Variants in MTA1 observed in about 807,000 individuals in gnomAD.
MTA1 encodes metastasis-associated protein MTA1.
MTA1 carries 15 observed loss-of-function variants against 97.0 expected under a neutral mutation model. That is an observed-to-expected ratio of 0.15 (90% confidence interval 0.10 to 0.24). The LOEUF is 0.24. MTA1 is among the 10% of genes least tolerant of loss of function. The pLI is 1.00. For missense variants in MTA1, 709 were observed against 1,015.1 expected (o/e 0.70, Z 4.10); for synonymous variants, 435 against 417.5 (o/e 1.04, Z -0.51).
rs1555431486 is a variant in MTA1 at position 105,463,283 on chromosome 14, C to G, written c.1017+25C>G. 1.9e-6 allele frequency: 3 copies of G among 1,609,922 alleles called. No homozygotes were observed. Among genetic ancestry groups the G allele is most frequent in the Non-Finnish European group, 1.7e-6 (2 of 1,178,982 alleles). On this transcript the variant is annotated intron_variant, in intron 11 of 20. Transcript: ENST00000331320. This position sits in a 1 kb window ranked among gnomAD's most constrained non-coding sequence, Gnocchi z 5.9. Reference sequence around the variant, plus strand: ...GGTGAGCCCGCCCGCCACTCAGTGCCCGGGGTGTGCCGCCTCCCCGTCCTG... The same window carrying G: ...GGTGAGCCCGCCCGCCACTCAGTGCGCGGGGTGTGCCGCCTCCCCGTCCTG...
At position 105,454,372 on chromosome 14, in the gene MTA1, C is replaced by A. The variant is rs2083062142; in HGVS notation, c.550+62C>A. 3 of 1,217,066 alleles carry A rather than the reference C, an allele frequency of 2.5e-6. No individual in the cohort carries two copies. The South Asian group carries it at 3.6e-5, about 15-fold the overall frequency. The allele number at this position is 1,217,066 out of a possible 1,614,324, so 75.4% of individuals were successfully genotyped here. On this transcript the variant is annotated intron_variant, in intron 7 of 20. Coordinates refer to ENST00000331320, the MANE Select transcript of MTA1 (RefSeq NM_004689.4). ...CTGTCCTGTCCTGCCGGGTGACACA[C>A]TGGGTGAGAGGAGGCTGGGACATGG...
rs587635485 is a variant in MTA1 at position 105,419,883 on chromosome 14, TCGG to T, written c.-127_-125del. ...CCGTCCCTGCGCGGCCTCGGCGGCC[TCGG>T]CGGCGGCGGCGGCGGCGGCGGCGGC... On this transcript the variant is annotated 5_prime_UTR_variant, in exon 1 of 21. Coordinates refer to ENST00000331320, the MANE Select transcript of MTA1 (RefSeq NM_004689.4). 431 of 181,572 alleles carry T rather than the reference TCGG, an allele frequency of 2.4e-3. 1 individual carries two copies. Among genetic ancestry groups the T allele is most frequent in the Non-Finnish European group, 3.0e-3 (313 of 102,936 alleles). The allele number at this position is 181,572 out of a possible 1,614,324, so 11.2% of individuals were successfully genotyped here.
chr14:105,466,749 C>A lies in MTA1; in HGVS notation c.1813+7C>A. 6.3e-7 allele frequency: 1 copy of A among 1,578,660 alleles called. No homozygotes were observed. Among genetic ancestry groups the A allele is most frequent in the Non-Finnish European group, 8.6e-7 (1 of 1,163,808 alleles). The stretch of plus-strand genomic sequence containing the variant: ...CTCTTGATGCCCAGTAGGGGTAAGG[C>A]CTGGAGCCGCGGGCGGGCGCTGCGC... On this transcript the variant is annotated splice_region_variant and intron_variant, in intron 18 of 20. Transcript: ENST00000331320.
chr14:105,459,026 C>T (rs1384989184), intron 8 of MTA1, among the ~76,000 whole-genome samples: 5 of 150,184 alleles, frequency 3.3e-5, no homozygotes, highest in African/African-American at 1.2e-4. Context: ...CCGCGCTGCC[C>T]GTGGCCCCTG....
At chr14:105,434,781 G>A (rs782153340) in intron 1 of MTA1, among the ~76,000 whole-genome samples, 3 of 152,138 alleles carry the variant, frequency 2.0e-5, no homozygotes, top group South Asian at 2.1e-4. Context: ...GATTACAGGC[G>A]TGAGCCACCA....
rs1555420665 is a variant in MTA1, at chr14:105,420,670, C to T, written c.28+607C>T. Among the ~76,000 whole-genome samples, 1 of 152,230 alleles carries T rather than the reference C, an allele frequency of 6.6e-6. No homozygotes were observed. The highest frequency in any genetic ancestry group is 6.5e-5 in the Admixed American group (1 of 15,286). ...AAACTTTTCCCTGCCTCTCGCTCACCTCAGCCCATTCGGGAGGCGCTTTGC... is the reference window on the plus strand; with the variant it reads ...AAACTTTTCCCTGCCTCTCGCTCACTTCAGCCCATTCGGGAGGCGCTTTGC... On this transcript the variant is annotated intron_variant, in intron 1 of 20. Coordinates refer to ENST00000331320, the MANE Select transcript of MTA1 (RefSeq NM_004689.4). The surrounding 1 kb of genome is among the most constrained non-coding windows in gnomAD (Gnocchi z 5.3).
chr14:105,463,939 C>T lies in MTA1; in HGVS notation c.1077-93C>T. 1 of 1,206,950 alleles carries T rather than the reference C, an allele frequency of 8.3e-7. No individual in the cohort carries two copies. Among genetic ancestry groups the T allele is most frequent in the Non-Finnish European group, 1.2e-6 (1 of 815,276 alleles). The allele number at this position is 1,206,950 out of a possible 1,614,324, so 74.8% of individuals were successfully genotyped here. On this transcript the variant is annotated intron_variant, in intron 12 of 20. Coordinates refer to ENST00000331320, the MANE Select transcript of MTA1 (RefSeq NM_004689.4). This position sits in a 1 kb window ranked among gnomAD's most constrained non-coding sequence, Gnocchi z 5.9. ...AGGGGTGCGAGGACGTGGTTCTGGACAAGGGGTGGTCAGCCGCGGTGCCTG... is the reference window on the plus strand; with the variant it reads ...AGGGGTGCGAGGACGTGGTTCTGGATAAGGGGTGGTCAGCCGCGGTGCCTG...
At chr14:105,428,166 C>T (rs1555422642) in intron 1 of MTA1, among the ~76,000 whole-genome samples, 1 of 152,142 alleles carries the variant, frequency 6.6e-6, no homozygotes, top group Admixed American at 6.6e-5. Context: ...TTGTGACCTT[C>T]TGTAGTCAGC....
At chr14:105,442,408 G>A (rs1367584946) in intron 2 of MTA1, among the ~76,000 whole-genome samples, 1 of 152,260 alleles carries the variant, frequency 6.6e-6, no homozygotes, top group African/African-American at 2.4e-5. Context: ...GCAGCAAGCA[G>A]GGTGGACCCC....
chr14:105,453,831 T>A (rs980512766), intron 6 of MTA1, among the ~76,000 whole-genome samples: 1 of 151,882 alleles, frequency 6.6e-6, no homozygotes. Context: ...AAAAGGCAAA[T>A]AAGTCATGGT....
intron 7 of MTA1, among the ~76,000 whole-genome samples, chr14:105,456,045 GGCCTGTGGGTCTGAGCA>G (rs2083139774): frequency 6.6e-6 from 1 of 152,222 alleles, no homozygotes; most frequent in African/African-American, 2.4e-5. Context: ...GCTGGGGCCC[GGCCTGTGGGTCTGAGCA>G]TGGGGAGGCC....
At position 105,464,768 on chromosome 14, in the gene MTA1, G is replaced by A. The variant is rs782617266; in HGVS notation, c.1439G>A (p.Arg480Gln). 32 of 1,609,428 alleles carry A rather than the reference G, an allele frequency of 2.0e-5. No homozygotes were observed. Among genetic ancestry groups the A allele is most frequent in the Admixed American group, 1.8e-4 (11 of 59,864 alleles). Residue 480 changes from arginine to glutamine, a missense_variant, in exon 15 of 21, where the codon CGG becomes CAG. Arg to Gln is a conservative substitution (Grantham distance 43, BLOSUM62 1). Coordinates refer to ENST00000331320, the MANE Select transcript of MTA1 (RefSeq NM_004689.4). ...AFYLHTTKLT[R>Q]IARRLCREIL... ...TATCTGCACACGACGAAGCTGACGCGGATCGCCCGGCGCCTGTGCCGTGAG... is the reference window on the plus strand; with the variant it reads ...TATCTGCACACGACGAAGCTGACGCAGATCGCCCGGCGCCTGTGCCGTGAG...
At chr14:105,466,247 C>T in intron 16 of MTA1, 179 bp from the exon 17 acceptor site, 1 of 608,794 alleles carries the variant, frequency 1.6e-6, no homozygotes, top group Non-Finnish European at 2.9e-6. Context: ...GGCTTCTGGG[C>T]TTCTGGTTCT....
chr14:105,428,184 T>A (rs2082069188), intron 1 of MTA1, among the ~76,000 whole-genome samples: 3 of 152,196 alleles, frequency 2.0e-5, no homozygotes, highest in South Asian at 2.1e-4. Flanking sequence ...AGCCCCCTCT[T>A]CTCCCCCAGC....
At chr14:105,441,009 C>T (rs1213153289) in intron 2 of MTA1, among the ~76,000 whole-genome samples, 2 of 152,228 alleles carry the variant, frequency 1.3e-5, no homozygotes, top group Admixed American at 1.3e-4. Context: ...GGAAGGCAGC[C>T]AGGCAGACTG....
At chr14:105,425,649 G>C (rs1316454175) in intron 1 of MTA1, among the ~76,000 whole-genome samples, 1 of 151,826 alleles carries the variant, frequency 6.6e-6, no homozygotes, top group Admixed American at 6.6e-5. Context: ...TGGGGCTCTC[G>C]TGTTGCTGGT....
chr14:105,458,225 C>G, intron 7 of MTA1, 45 bp from the exon 8 acceptor site: 1 of 1,554,880 alleles, frequency 6.4e-7, no homozygotes, highest in South Asian at 1.1e-5. Flanking sequence ...CGGCCCGGCG[C>G]GCCGTGGGAC....
intron 2 of MTA1, among the ~76,000 whole-genome samples, chr14:105,440,321 A>G (rs2082467390): frequency 6.6e-6 from 1 of 152,246 alleles, no homozygotes; most frequent in Non-Finnish European, 1.5e-5. Context: ...CTGACGCTGA[A>G]CCATGGCTGG....
Position 105,463,302 on chromosome 14 carries a change from C to T in MTA1, c.1017+44C>T, listed in dbSNP as rs587643672. 3.7e-5 allele frequency: 60 copies of T among 1,600,424 alleles called. No homozygotes were observed. The highest frequency in any genetic ancestry group is 1.7e-4 in the Middle Eastern group (1 of 6,040). On this transcript the variant is annotated intron_variant, in intron 11 of 20. Transcript: ENST00000331320. This position sits in a 1 kb window ranked among gnomAD's most constrained non-coding sequence, Gnocchi z 5.9. ...CAGTGCCCGGGGTGTGCCGCCTCCCCGTCCTGCGCCCCATCCTCTCCCAGC... is the reference window on the plus strand; with the variant it reads ...CAGTGCCCGGGGTGTGCCGCCTCCCTGTCCTGCGCCCCATCCTCTCCCAGC...
Sources: allele counts gnomAD v4.1 joint callset (sites outside exome capture counted in the v4.1 genomes callset), GRCh38; gene constraint gnomAD v4.1.1; non-coding constraint Gnocchi (gnomAD v3.1); transcripts MANE v1.5; gene names NCBI Gene and HGNC (gene_info 2026-07-23, HGNC 2026-07-21).